HTT: variants seen among roughly 807,000 people sequenced by gnomAD.
HTT encodes huntington disease protein.
A neutral mutation model predicts 362.3 loss-of-function variants in HTT; 104 were observed. The ratio of observed to expected loss-of-function variants is 0.29; its 90% confidence interval spans 0.24 to 0.34. HTT has a LOEUF of 0.34. HTT is among the 10% of genes least tolerant of loss of function. The pLI is 1.00. For synonymous variants in HTT, 1,577 were observed against 1,548.7 expected (o/e 1.02, Z -0.43); for missense variants, 3,301 against 3,928.6 (o/e 0.84, Z 4.27).
chr4:3,169,022 C>CTTTTTTTTTT (rs761540640), intron 29 of HTT, among the ~76,000 whole-genome samples: 1 of 141,112 alleles, frequency 7.1e-6, no homozygotes, highest in Non-Finnish European at 1.5e-5. Flanking sequence ...TTCTTTCTTT[C>CTTTTTTTTTT]TTTTTTTTTT....
intron 41 of HTT, among the ~76,000 whole-genome samples, chr4:3,200,234 CCTA>C (rs1182562936): frequency 1.3e-5 from 2 of 152,196 alleles, no homozygotes; most frequent in Non-Finnish European, 2.9e-5. Context: ...CTCTGTGGCT[CCTA>C]CTAAGTTCTA....
In HTT at chr4:3,161,591, G is replaced by A. The variant is rs1450843533; in HGVS notation, c.3864+1199G>A. Reference sequence around the variant, plus strand: ...CAACCTCTCCAGCATCTGTTGTTTCGTGACTTTTTAACGATCGCCATCCTA... The same window carrying A: ...CAACCTCTCCAGCATCTGTTGTTTCATGACTTTTTAACGATCGCCATCCTA... On this transcript the variant is annotated intron_variant, in intron 29 of 66. Coordinates refer to ENST00000355072, the MANE Select transcript of HTT (RefSeq NM_001388492.1). 5.3e-5 allele frequency among the ~76,000 whole-genome samples: 8 copies of A among 152,192 alleles called. No homozygotes were observed. In the East Asian group the frequency reaches 7.7e-4, roughly 15 times the overall value.
At chr4:3,234,378 A>G (rs952998807) in intron 61 of HTT, among the ~76,000 whole-genome samples, 8 of 152,216 alleles carry the variant, frequency 5.3e-5, no homozygotes, top group African/African-American at 1.7e-4. Context: ...GGACAGGCGG[A>G]CGGCTGGCAA....
intron 1 of HTT, among the ~76,000 whole-genome samples, chr4:3,075,659 G>T: frequency 7.6e-6 from 1 of 131,614 alleles, no homozygotes; most frequent in Non-Finnish European, 1.6e-5. Context: ...GGGGGGGGGC[G>T]GGGAGTGAGG....
In HTT at chr4:3,103,840, A is replaced by G; in HGVS notation, c.485A>G (p.Asn162Ser). ...TTGTTGTAGGCTTTGATGGATTCTA[A>G]TCTTCCAAGGTTACAGCTCGAGCTC... ...NKVIKALMDS[N>S]LPRLQLELYK... The change falls in exon 4 of 67, where the codon AAT becomes AGT. Residue 162 changes from asparagine (N) to serine (S), a missense_variant. Transcript: ENST00000355072. 1 of 1,603,846 alleles carries G rather than the reference A, an allele frequency of 6.2e-7. No homozygotes were observed. Among genetic ancestry groups the G allele is most frequent in the Non-Finnish European group, 8.5e-7 (1 of 1,171,632 alleles).
intron 29 of HTT, among the ~76,000 whole-genome samples, chr4:3,171,392 C>T (rs1238054646): frequency 6.6e-6 from 1 of 151,694 alleles, no homozygotes; most frequent in African/African-American, 2.4e-5. Flanking sequence ...GTGAAACAGG[C>T]TGTGCATTCT....
At chr4:3,191,447 C>T (rs1719011671) in intron 40 of HTT, among the ~76,000 whole-genome samples, 2 of 152,168 alleles carry the variant, frequency 1.3e-5, no homozygotes, top group Admixed American at 1.3e-4. Context: ...GCTGGGATTA[C>T]AGGTGTGAGC....
At chr4:3,148,343 A>G (rs1284222142) in intron 26 of HTT, 136 bp downstream of exon 26, 2 of 659,862 alleles carry the variant, frequency 3.0e-6, no homozygotes, top group African/African-American at 1.8e-5. Flanking sequence ...TTGTGACACT[A>G]AATTTAACAT....
chr4:3,208,652 C>A, intron 45 of HTT, 121 bp from the exon 46 acceptor site: 1 of 886,876 alleles, frequency 1.1e-6, no homozygotes, highest in Non-Finnish European at 1.6e-6. Context: ...TTTAAGAAGC[C>A]ACTAATAGTG....
intron 47 of HTT, among the ~76,000 whole-genome samples, chr4:3,211,477 A>C (rs1720158678): frequency 1.3e-5 from 2 of 152,240 alleles, no homozygotes; most frequent in Non-Finnish European, 2.9e-5. Context: ...TGACATAAGA[A>C]ATACCATTTT....
At chr4:3,084,023 CTA>C (rs1713065232) in intron 1 of HTT, among the ~76,000 whole-genome samples, 1 of 151,932 alleles carries the variant, frequency 6.6e-6, no homozygotes, top group Non-Finnish European at 1.5e-5. Context: ...CTGTATGATT[CTA>C]TGTTTTTTTG....
Position 3,182,451 on chromosome 4 carries a change from C to A in HTT, c.4847C>A (p.Pro1616Gln). Residue 1616 changes from proline to glutamine, a missense_variant, in exon 37 of 67, where the codon CCA becomes CAA. Pro to Gln is a moderately conservative substitution (Grantham distance 76, BLOSUM62 -1). Transcript: ENST00000355072. ...CGACAGATAGCTGACATCATCCTCC[C>A]AATGTTAGCCAAACAGCAGGTTTGT... ...LSRQIADIIL[P>Q]MLAKQQMHID... 1 of 1,612,002 alleles carries A rather than the reference C, an allele frequency of 6.2e-7. No homozygotes were observed. The highest frequency in any genetic ancestry group is 2.2e-5 in the East Asian group (1 of 44,876).
chr4:3,236,066 T>G, intron 63 of HTT, 83 bp from the exon 64 acceptor site: 2 of 996,762 alleles, frequency 2.0e-6, no homozygotes, highest in South Asian at 2.6e-5. Flanking sequence ...AGGGACTCAC[T>G]GGACCCCTGT....
chr4:3,207,474 T>G, intron 45 of HTT, 117 bp downstream of exon 45: 1 of 818,156 alleles, frequency 1.2e-6, no homozygotes, highest in East Asian at 2.7e-5. Context: ...TAGGTGGGTT[T>G]ACTGCAGAAG....
At chr4:3,223,625 G>A in intron 55 of HTT, 65 bp downstream of exon 55, 2 of 1,393,028 alleles carry the variant, frequency 1.4e-6, no homozygotes, top group Non-Finnish European at 9.9e-7. Context: ...GTTCCCCGCT[G>A]AAGCGTCCAG....
chr4:3,212,213 A>C (rs773860088), intron 48 of HTT, 71 bp downstream of exon 48: 6 of 1,180,336 alleles, frequency 5.1e-6, no homozygotes, highest in Non-Finnish European at 6.0e-6. Flanking sequence ...TGCACCAAGT[A>C]AATGTACAAT....
At chr4:3,140,938 A>G (rs536371481) in intron 22 of HTT, among the ~76,000 whole-genome samples, 1 of 135,406 alleles carries the variant, frequency 7.4e-6, no homozygotes, top group East Asian at 1.9e-4. Flanking sequence ...TGTGACACTT[A>G]CGTATTATCT....
chr4:3,115,114 C>T (rs982755619), intron 6 of HTT, among the ~76,000 whole-genome samples, 190 bp from the exon 7 acceptor site: 1 of 152,178 alleles, frequency 6.6e-6, no homozygotes, highest in African/African-American at 2.4e-5. Context: ...AGCAAATAGA[C>T]TACACATGTC....
intron 65 of HTT, 88 bp from the exon 66 acceptor site, chr4:3,238,730 G>GGCCCCCCCCCCCCCC: frequency 1.7e-5 from 19 of 1,096,888 alleles, no homozygotes; most frequent in East Asian, 2.5e-5. Flanking sequence ...AATGCCTCTG[G>GGCCCCCCCCCCCCCC]CCCCCACCCC....
Sources: allele counts gnomAD v4.1 joint callset (sites outside exome capture counted in the v4.1 genomes callset), GRCh38; gene constraint gnomAD v4.1.1; transcripts MANE v1.5; gene names NCBI Gene and HGNC (gene_info 2026-07-23, HGNC 2026-07-21).